The following PLCB3 variants were observed in gnomAD, a reference collection of about 807,000 sequenced individuals.
PLCB3 encodes the protein phospholipase C beta 3, also known as 1-phosphatidylinositol 4,5-bisphosphate phosphodiesterase beta-3.
A neutral mutation model predicts 152.1 loss-of-function variants in PLCB3; 54 were observed. The ratio of observed to expected loss-of-function variants is 0.36; its 90% CI spans 0.29 to 0.45. The LOEUF is 0.45. PLCB3 is among the 20% of genes least tolerant of loss of function. The probability of loss-of-function intolerance (pLI) is 1.00; values close to 1 mark genes in which losing one functional copy is unlikely to be tolerated. For synonymous variants in PLCB3, 717 were observed against 698.7 expected (o/e 1.03, Z -0.41); for missense variants, 1,248 against 1,687.5 (o/e 0.74, Z 4.56).
At position 64,255,995 on chromosome 11, in the gene PLCB3, G is replaced by A. The variant is rs1178658976; in HGVS notation, c.698+174G>A. On this transcript the variant is annotated intron_variant, in intron 8 of 30. Coordinates refer to ENST00000279230, the MANE Select transcript of PLCB3 (RefSeq NM_000932.5). This position sits in a 1 kb window ranked among gnomAD's most constrained non-coding sequence, Gnocchi z 6.8. ...TGATGTTCCTGTACTCAGACCCGCC[G>A]TTTCTGCCCCTCAGTTACAGGCAGC... Among the ~76,000 whole-genome samples the A allele has an allele frequency of 1.3e-5, 2 of 152,128 alleles. No individual in the cohort carries two copies. Among genetic ancestry groups the A allele is most frequent in the African/African-American group, 2.4e-5 (1 of 41,422 alleles).
Position 64,267,551 on chromosome 11 carries a change from C to A in PLCB3, c.3700C>A (p.Leu1234Ile). 1 of 1,562,162 alleles carries A rather than the reference C, an allele frequency of 6.4e-7. No individual in the cohort carries two copies. The highest frequency in any genetic ancestry group is 1.2e-5 in the South Asian group (1 of 85,734). ...GGAGAGCCAGGAGGAGAACACGCAG[C>A]TCTGAACTGGCTGAGCGAGGTGGCC... ...DSESQEENTQL is the reference protein window; with the variant it reads ...DSESQEENTQI The change falls in exon 31 of 31, where the codon CTC becomes ATC. Residue 1234 changes from leucine to isoleucine, a missense_variant. Physicochemically the swap from Leu to Ile is conservative, Grantham distance 5. Transcript: ENST00000279230. The surrounding 1 kb of genome is among the most constrained non-coding windows in gnomAD (Gnocchi z 5.2).
rs1204585395 is a variant in PLCB3, at chr11:64,263,566, C to A, written c.2424C>A (p.His808Gln). Reference protein sequence around the residue: ...AFEEGGKFVGHRILPVSAIRS... With the variant: ...AFEEGGKFVGQRILPVSAIRS... Reference sequence around the variant, plus strand: ...AGGAGGGGGGTAAATTCGTAGGGCACCGGATCCTGCCTGTCTCTGCCATCC... The same window carrying A: ...AGGAGGGGGGTAAATTCGTAGGGCAACGGATCCTGCCTGTCTCTGCCATCC... The change falls in exon 20 of 31, where the codon CAC becomes CAA. Residue 808 changes from histidine (H) to glutamine (Q), a missense_variant. Around this residue, in one of 6 missense-constraint regions of PLCB3, gnomAD observed 244 missense variants for 424.4 expected, o/e 0.57. Coordinates refer to ENST00000279230, the MANE Select transcript of PLCB3 (RefSeq NM_000932.5). The A allele has an allele frequency of 6.2e-7, 1 of 1,610,014 alleles. No homozygotes were observed. The highest frequency in any genetic ancestry group is 8.5e-7 in the Non-Finnish European group (1 of 1,178,290).
At chr11:64,265,265 G>A in intron 24 of PLCB3, 38 bp downstream of exon 24, 1 of 1,583,698 alleles carries the variant, frequency 6.3e-7, no homozygotes, top group Non-Finnish European at 8.6e-7. Flanking sequence ...GGGCTGCCTT[G>A]CAGGTTCCCC....
intron 22 of PLCB3, among the ~76,000 whole-genome samples, chr11:64,264,677 G>C (rs2032022133): frequency 6.6e-6 from 1 of 152,184 alleles, no homozygotes; most frequent in South Asian, 2.1e-4. Flanking sequence ...TTGGGGCTGG[G>C]CCAGGCCTTT....
chr11:64,263,833 G>T, intron 21 of PLCB3, 38 bp downstream of exon 21: 1 of 1,551,340 alleles, frequency 6.4e-7, no homozygotes, highest in Non-Finnish European at 8.9e-7. Flanking sequence ...TGGCCAGGGA[G>T]TGTGAGGGAC....
intron 1 of PLCB3, among the ~76,000 whole-genome samples, chr11:64,253,722 G>T (rs571128045): frequency 5.3e-5 from 8 of 152,330 alleles, no homozygotes; most frequent in African/African-American, 1.9e-4. Context: ...GGGCTGGCAT[G>T]CACTTCCCTG....
In PLCB3 at chr11:64,266,503, C is replaced by T. The variant is rs575846795; in HGVS notation, c.3365C>T (p.Thr1122Met). 27 of 1,613,746 alleles carry T rather than the reference C, an allele frequency of 1.7e-5. No homozygotes were observed. The highest frequency in any genetic ancestry group is 1.1e-4 in the South Asian group (10 of 91,078). Residue 1122 changes from threonine (T) to methionine (M), a missense_variant, in exon 29 of 31, where the codon ACG (threonine) becomes ATG (methionine). By Grantham distance (81) the Thr-to-Met change is moderately conservative. This residue lies in a region of PLCB3 where 477 missense variants were observed against 489.6 expected (regional missense o/e 0.97). Coordinates refer to ENST00000279230, the MANE Select transcript of PLCB3 (RefSeq NM_000932.5). This position sits in a 1 kb window ranked among gnomAD's most constrained non-coding sequence, Gnocchi z 4.9. The stretch of plus-strand genomic sequence containing the variant: ...GCGTTGCTCCCGTGCAGGGAACTGA[C>T]GGAGATTAACCGTCGGCACATCACT... The part of the protein sequence containing the change: ...RDKHKKEAEL[T>M]EINRRHITES...
chr11:64,268,693 C>G (rs142438428), downstream of PLCB3: 2 of 152,482 alleles, frequency 1.3e-5, no homozygotes, highest in Non-Finnish European at 2.9e-5. Context: ...CAGGGCGGGG[C>G]TGGGCTCGCA....
At position 64,258,821 on chromosome 11, in the gene PLCB3, G is replaced by A; in HGVS notation, c.1254-64G>A. On this transcript the variant is annotated intron_variant, in intron 11 of 30. Transcript: ENST00000279230. This position sits in a 1 kb window ranked among gnomAD's most constrained non-coding sequence, Gnocchi z 7.2. ...CAACCCTGCGAACGGCCACTGACAT[G>A]TCCCGTAGACCTCAGCTTCCTCTCT... The A allele has an allele frequency of 6.2e-7, 1 of 1,607,110 alleles. No individual in the cohort carries two copies. Among genetic ancestry groups the A allele is most frequent in the Non-Finnish European group, 8.5e-7 (1 of 1,173,960 alleles).
chr11:64,266,637 G>A lies in PLCB3; in HGVS notation c.3414+85G>A, dbSNP rs548762917. ...ATCTCCATGCCTGGCCTGGTGCCACGTTGCCCTCAAGGTTCTTCTAGGGCC... is the reference window on the plus strand; with the variant it reads ...ATCTCCATGCCTGGCCTGGTGCCACATTGCCCTCAAGGTTCTTCTAGGGCC... On this transcript the variant is annotated intron_variant, in intron 29 of 30. Transcript: ENST00000279230. This position sits in a 1 kb window ranked among gnomAD's most constrained non-coding sequence, Gnocchi z 4.9. 4.0e-5 allele frequency: 55 copies of A among 1,358,822 alleles called. No individual in the cohort carries two copies. Among genetic ancestry groups the A allele is most frequent in the South Asian group, 3.2e-4 (27 of 85,090 alleles). 84.2% of individuals were successfully genotyped at this position (1,358,822 alleles called of 1,614,324 possible). A position where few individuals can be genotyped will look rare whatever the true frequency, so the allele number is the denominator to read the frequency against.
downstream of PLCB3, chr11:64,268,357 CG>C: frequency 6.6e-6 from 1 of 152,324 alleles, no homozygotes. Flanking sequence ...TGCCCAACAC[CG>C]GGGGACCTGG....
intron 22 of PLCB3, among the ~76,000 whole-genome samples, chr11:64,264,326 G>C (rs589030): frequency 0.36 from 54,169 of 152,106 alleles, 10,337 homozygotes; most frequent in East Asian, 0.62. Context: ...TGTAGGCTTG[G>C]AGTGGGGGTA....
At chr11:64,259,887 C>T in intron 13 of PLCB3, 142 bp from the exon 14 acceptor site, 1 of 692,634 alleles carries the variant, frequency 1.4e-6, no homozygotes, top group South Asian at 1.7e-5. Context: ...ACCTCTTGGC[C>T]TCTCCCCAAG....
intron 1 of PLCB3, among the ~76,000 whole-genome samples, chr11:64,252,812 G>A (rs937862026): frequency 6.6e-6 from 1 of 152,102 alleles, no homozygotes; most frequent in Non-Finnish European, 1.5e-5. Context: ...GGCCCTGGGG[G>A]TGGGGTGGGG....
chr11:64,256,889 G>T (rs1157195821), intron 10 of PLCB3, 125 bp downstream of exon 10: 36 of 1,082,774 alleles, frequency 3.3e-5, no homozygotes, highest in East Asian at 5.0e-5. Context: ...GGGGATGCAG[G>T]CAGGGAACAG....
rs1404074201 is a variant in PLCB3, at chr11:64,267,213, A to G, written c.3443A>G (p.Asp1148Gly). The change falls in exon 30 of 31, where the codon GAC becomes GGC. Residue 1148 changes from aspartate (D) to glycine (G), a missense_variant. Physicochemically the swap from Asp to Gly is moderately conservative, Grantham distance 94 (BLOSUM62 -1). Coordinates refer to ENST00000279230, the MANE Select transcript of PLCB3 (RefSeq NM_000932.5). This position sits in a 1 kb window ranked among gnomAD's most constrained non-coding sequence, Gnocchi z 5.2. ...RLEEAQKQRH[D>G]RLVAGQQQVL... ...GAGGAGGCCCAGAAGCAGCGGCATG[A>G]CCGTCTTGTGGCTGGGCAGCAGCAG... is the stretch of plus-strand genomic sequence containing the variant. 2 of 1,550,534 alleles carry G rather than the reference A, an allele frequency of 1.3e-6. No homozygotes were observed.
chr11:64,251,921 C>G (rs1050470104), intron 1 of PLCB3, among the ~76,000 whole-genome samples, 173 bp downstream of exon 1: 1 of 151,856 alleles, frequency 6.6e-6, no homozygotes, highest in Non-Finnish European at 1.5e-5. Context: ...AAGACTTTGT[C>G]CCCCCAACTC....
In PLCB3 at chr11:64,262,805, C is replaced by T. The variant is rs1439126937; in HGVS notation, c.2352C>T (p.Pro784=). Residue 784 remains proline (P), a synonymous_variant, in exon 19 of 31, where the codon CCC becomes CCT. Coordinates refer to ENST00000279230, the MANE Select transcript of PLCB3 (RefSeq NM_000932.5). The part of the protein sequence containing the change: ...PVWDEEPFDF[P]KVVLPTLASL... ...GGGACGAAGAGCCCTTCGACTTCCCCAAGGTGAGCCTGGCCCCTGCACCCG... is the reference window on the plus strand; with the variant it reads ...GGGACGAAGAGCCCTTCGACTTCCCTAAGGTGAGCCTGGCCCCTGCACCCG... 4 of 1,612,930 alleles carry T rather than the reference C, an allele frequency of 2.5e-6. No individual in the cohort carries two copies. The highest frequency in any genetic ancestry group is 3.4e-6 in the Non-Finnish European group (4 of 1,179,788).
chr11:64,262,803 C>A lies in PLCB3; in HGVS notation c.2350C>A (p.Pro784Thr). 4 of 1,613,112 alleles carry A rather than the reference C, an allele frequency of 2.5e-6. No individual in the cohort carries two copies. Among genetic ancestry groups the A allele is most frequent in the Non-Finnish European group, 3.4e-6 (4 of 1,179,850 alleles). ...GTGGGACGAAGAGCCCTTCGACTTC[C>A]CCAAGGTGAGCCTGGCCCCTGCACC... Reference protein sequence around the residue: ...PVWDEEPFDFPKVVLPTLASL... With the variant: ...PVWDEEPFDFTKVVLPTLASL... The change falls in exon 19 of 31, where the codon CCC (proline) becomes ACC (threonine). Residue 784 changes from proline (P) to threonine (T), a missense_variant. Around this residue, in one of 6 missense-constraint regions of PLCB3, gnomAD observed 244 missense variants for 424.4 expected, o/e 0.57. Transcript: ENST00000279230.
Sources: gnomAD v4.1 joint callset for allele counts (sites outside exome capture counted in the v4.1 genomes callset) on GRCh38, gnomAD v4.1.1 for gene constraint, gnomAD v4.1.1 regional missense constraint, Gnocchi (gnomAD v3.1) non-coding constraint, MANE v1.5 for transcripts, NCBI Gene and HGNC (gene_info 2026-07-23, HGNC 2026-07-21) for gene names.